TRMT11: variants seen among roughly 807,000 people sequenced by gnomAD.
The protein encoded by TRMT11 is tRNA (guanine(10)-N(2))-methyltransferase TRMT11.
Under a neutral mutation model 62.8 loss-of-function variants are expected in TRMT11, and 53 were observed. That is an observed-to-expected ratio of 0.84 (90% CI 0.68 to 1.06). The LOEUF is 1.06. TRMT11 is among the 50% of genes least tolerant of loss of function. The pLI is 0.00. For synonymous variants in TRMT11, 188 were observed against 190.3 expected (o/e 0.99, Z 0.10); for missense variants, 556 against 553.4 (o/e 1.00, Z -0.05).
At chr6:126,174,138 A>G (rs1214047344), upstream of TRMT11, among the ~76,000 whole-genome samples, 1 of 152,086 alleles carries the variant, frequency 6.6e-6, no homozygotes, top group Non-Finnish European at 1.5e-5. Flanking sequence ...CTCACTCCCC[A>G]CTGTCGCCCA....
At chr6:126,140,484 A>C (rs1174701543) in intron 21 of TRMT11, among the ~76,000 whole-genome samples, 1 of 152,092 alleles carries the variant, frequency 6.6e-6, no homozygotes, top group Admixed American at 6.6e-5. Flanking sequence ...ATTCACAAGC[A>C]AAATCTTGAG....
intron 17 of TRMT11, among the ~76,000 whole-genome samples, chr6:126,111,580 G>A (rs1227560804): frequency 6.6e-6 from 1 of 152,094 alleles, no homozygotes; most frequent in Non-Finnish European, 1.5e-5. Context: ...TGGCCACCAT[G>A]TGTTTTAAGT....
At chr6:126,209,564 CAA>C in the TRMT11 span, among the ~76,000 whole-genome samples, 9 of 138,140 alleles carry the variant, frequency 6.5e-5, no homozygotes, top group African/African-American at 1.5e-4. Context: ...ACTAAAAATA[CAA>C]AAAAAAAAAA....
chr6:125,998,666 T>C lies in TRMT11; in HGVS notation c.504T>C (p.Asn168=). The change falls in exon 6 of 13, where the codon AAT becomes AAC. Residue 168 remains asparagine, a synonymous_variant. Transcript: ENST00000334379. ...DPNCIPENPH[N]IYFGRWIADG... ...ACTGCATCCCTGAGAATCCACATAA[T>C]ATTTATTTTGGTAGATGGGTGAGCA... 6.2e-7 allele frequency: 1 copy of C among 1,612,192 alleles called. No homozygotes were observed. Among genetic ancestry groups the C allele is most frequent in the Non-Finnish European group, 8.5e-7 (1 of 1,179,352 alleles).
the TRMT11 span, among the ~76,000 whole-genome samples, chr6:126,249,972 T>C: frequency 4.6e-5 from 7 of 152,118 alleles, no homozygotes; most frequent in Non-Finnish European, 8.8e-5. Flanking sequence ...TCAGGCACAA[T>C]GAGCACTGGC....
Position 126,039,111 on chromosome 6 carries a change from A to G in TRMT11, c.*275A>G. On this transcript the variant is annotated 3_prime_UTR_variant, in exon 13 of 13. Transcript: ENST00000334379. ...CAAAACAGTTATTTTTTTACAATTAATCTACAAAGGGAATTAATATTGTTG... is the reference window on the plus strand; with the variant it reads ...CAAAACAGTTATTTTTTTACAATTAGTCTACAAAGGGAATTAATATTGTTG... The G allele has an allele frequency of 4.6e-6, 1 of 216,980 alleles. No individual in the cohort carries two copies. Among genetic ancestry groups the G allele is most frequent in the Non-Finnish European group, 9.0e-6 (1 of 111,448 alleles). The allele number at this position is 216,980 out of a possible 1,614,324, so 13.4% of individuals were successfully genotyped here. A position where few individuals can be genotyped will look rare whatever the true frequency, so the allele number is the denominator to read the frequency against.
At chr6:125,992,537 A>T (rs904567565) in intron 1 of TRMT11, among the ~76,000 whole-genome samples, 1 of 152,154 alleles carries the variant, frequency 6.6e-6, no homozygotes, top group Non-Finnish European at 1.5e-5. Context: ...GGTCCTCATC[A>T]TTTTGATTCC....
chr6:126,257,294 G>A, the TRMT11 span, among the ~76,000 whole-genome samples: 1 of 151,816 alleles, frequency 6.6e-6, no homozygotes, highest in East Asian at 1.9e-4. Context: ...AATGTGGTGT[G>A]CCATATTTAC....
chr6:126,263,274 A>T, the TRMT11 span, among the ~76,000 whole-genome samples: 3 of 152,292 alleles, frequency 2.0e-5, no homozygotes, highest in Middle Eastern at 6.8e-3. Flanking sequence ...TGGGGGGAAA[A>T]TAGTGAATTA....
intron 17 of TRMT11, among the ~76,000 whole-genome samples, chr6:126,098,596 A>G (rs1777364457): frequency 6.6e-6 from 1 of 152,112 alleles, no homozygotes. Context: ...TTCACCTCCA[A>G]CATTGTTGCA....
intron 17 of TRMT11, among the ~76,000 whole-genome samples, chr6:126,071,074 G>A (rs1776837365): frequency 6.6e-6 from 1 of 152,156 alleles, no homozygotes; most frequent in Non-Finnish European, 1.5e-5. Flanking sequence ...GTCATGTATG[G>A]CCTTCTTACG....
At chr6:126,181,858 T>C (rs1778470653) in intron 1 of TRMT11, among the ~76,000 whole-genome samples, 1 of 152,182 alleles carries the variant, frequency 6.6e-6, no homozygotes, top group South Asian at 2.1e-4. Context: ...TCCTTTCCTT[T>C]ATTAATTCTA....
At chr6:126,223,029 C>T in the TRMT11 span, among the ~76,000 whole-genome samples, 2 of 152,184 alleles carry the variant, frequency 1.3e-5, no homozygotes, top group Non-Finnish European at 2.9e-5. Flanking sequence ...GTAACTAATT[C>T]TCTTAACATT....
chr6:126,055,473 G>T (rs1776346326), intron 17 of TRMT11, among the ~76,000 whole-genome samples: 1 of 152,180 alleles, frequency 6.6e-6, no homozygotes, highest in Non-Finnish European at 1.5e-5. Flanking sequence ...TTGAACAGTT[G>T]TACACAGTTC....
intron 21 of TRMT11, among the ~76,000 whole-genome samples, chr6:126,139,649 G>A (rs1777892400): frequency 6.6e-6 from 1 of 152,116 alleles, no homozygotes. Context: ...GATTACAGGT[G>A]TGAGCCATCA....
At chr6:126,108,353 A>AT (rs1204697523) in intron 17 of TRMT11, among the ~76,000 whole-genome samples, 1 of 152,234 alleles carries the variant, frequency 6.6e-6, no homozygotes, top group Non-Finnish European at 1.5e-5. Context: ...ATGTGAACTC[A>AT]TTAAGGATAG....
intron 21 of TRMT11, among the ~76,000 whole-genome samples, chr6:126,170,934 C>A (rs2128235806): frequency 6.6e-6 from 1 of 152,220 alleles, no homozygotes; most frequent in East Asian, 1.9e-4. Flanking sequence ...TTAGAGGTCC[C>A]TCCTCAGGGC....
chr6:126,117,947 A>G (rs763750883), intron 21 of TRMT11, among the ~76,000 whole-genome samples: 5 of 152,082 alleles, frequency 3.3e-5, no homozygotes, highest in Non-Finnish European at 5.9e-5. Context: ...CCTTACAGAC[A>G]AGGATCTTTT....
At chr6:126,014,646 GTTGT>G (rs1462722912) in intron 11 of TRMT11, among the ~76,000 whole-genome samples, 1 of 152,132 alleles carries the variant, frequency 6.6e-6, no homozygotes, top group Non-Finnish European at 1.5e-5. Context: ...GCTATTTCTT[GTTGT>G]TTGTTTTACA....
Sources: allele counts gnomAD v4.1 joint callset (sites outside exome capture counted in the v4.1 genomes callset), GRCh38; gene constraint gnomAD v4.1.1; transcripts MANE v1.5; gene names NCBI Gene and HGNC (gene_info 2026-07-23, HGNC 2026-07-21).